The following TEX14 variants were observed in gnomAD, a reference collection of about 807,000 sequenced individuals.
The protein encoded by TEX14 is testis expressed 14, intercellular bridge forming factor, also known as inactive serine/threonine-protein kinase TEX14.
In TEX14, 168 loss-of-function variants were observed where a neutral mutation model predicts 178.6. The observed-to-expected ratio is 0.94, with a 90% CI of 0.83 to 1.07. The LOEUF (loss-of-function observed/expected upper bound fraction) is 1.07. Among genes scored for constraint, TEX14 ranks in the 50% least tolerant of loss-of-function variants. The pLI, the probability that TEX14 is intolerant of heterozygous loss-of-function variation, is 0.00. For missense variants in TEX14, 1,730 were observed against 1,753.6 expected, an observed-to-expected ratio of 0.99 and a Z score of 0.24; for synonymous variants, 626 against 634.1, an observed-to-expected ratio of 0.99 and a Z score of 0.19.
chr17:58,592,483 C>T (rs1376208346), intron 15 of TEX14, among the ~76,000 whole-genome samples: 3 of 151,966 alleles, frequency 2.0e-5, no homozygotes, highest in African/African-American at 2.4e-5. Context: ...TATAGGCGCC[C>T]GCCACCACGC....
At chr17:58,678,606 T>C (rs1336113085) in intron 1 of TEX14, among the ~76,000 whole-genome samples, 31 of 151,828 alleles carry the variant, frequency 2.0e-4, no homozygotes, top group Non-Finnish European at 2.9e-5. Context: ...TTCTCACTCA[T>C]AGGTGGGAAT....
At chr17:58,651,727 C>G (rs2046843453) in intron 2 of TEX14, 139 bp downstream of exon 2, 1 of 822,776 alleles carries the variant, frequency 1.2e-6, no homozygotes, top group African/African-American at 1.7e-5. Flanking sequence ...GACTGCACTG[C>G]TAGAGAACAT....
intron 1 of TEX14, chr17:58,659,466 CT>C: frequency 3.4e-6 from 1 of 296,536 alleles, no homozygotes; most frequent in Non-Finnish European, 5.0e-6. Context: ...TAGAAAATTT[CT>C]CCCGCGAAGA....
At chr17:58,654,003 C>T (rs956801412) in intron 1 of TEX14, among the ~76,000 whole-genome samples, 4 of 151,990 alleles carry the variant, frequency 2.6e-5, no homozygotes. Context: ...ATAGTGAAAC[C>T]CCATCTTTAC....
At chr17:58,688,758 T>A (rs1049519209) in intron 1 of TEX14, among the ~76,000 whole-genome samples, 1 of 152,106 alleles carries the variant, frequency 6.6e-6, no homozygotes, top group African/African-American at 2.4e-5. Context: ...GTCTCTCAAA[T>A]TTTTTCATGA....
At position 58,686,996 on chromosome 17, in the gene TEX14, C is replaced by T. The variant is rs180672890; in HGVS notation, c.-2+4943G>A. On this transcript the variant is annotated intron_variant, in intron 1 of 31. Transcript: ENST00000349033. ...TCAGGAGATTCTCCTGCCTCAGTCT[C>T]CCGAGTAGCTGGGATTACAGATGCC... Among the ~76,000 whole-genome samples, 1,109 of 151,502 alleles carry T rather than the reference C, an allele frequency of 7.3e-3. 6 individuals are homozygous for T. The highest frequency in any genetic ancestry group is 0.011 in the Admixed American group (171 of 15,096).
At chr17:58,589,487 G>A (rs1312042137) in intron 15 of TEX14, among the ~76,000 whole-genome samples, 4 of 149,176 alleles carry the variant, frequency 2.7e-5, no homozygotes, top group Admixed American at 1.4e-4. Flanking sequence ...TCTTGAACCC[G>A]GGAGGCAGAG....
rs1014900979 is a variant in TEX14 at position 58,592,782 on chromosome 17, G to A, written c.2576+773C>T. Among the ~76,000 whole-genome samples, 18 of 151,986 alleles carry A rather than the reference G, an allele frequency of 1.2e-4. 1 individual carries two copies. Among genetic ancestry groups the A allele is most frequent in the South Asian group, 4.1e-4 (2 of 4,826 alleles). The stretch of plus-strand genomic sequence containing the variant: ...TCGAACTCCTGACCTCAAGTGATCC[G>A]CCCACCTTGGCCTCCCAAAGTGCTA... On this transcript the variant is annotated intron_variant, in intron 15 of 31. Coordinates refer to ENST00000349033, the MANE Select transcript of TEX14 (RefSeq NM_031272.5).
rs561963166 is a variant in TEX14 at position 58,593,571 on chromosome 17, T to C, written c.2560A>G (p.Ile854Val). ...GAKDSLETSR[I>V]QNTSSQGRPR... ...TTGACCCACCTACTGGTATTTTGGA[T>C]CCTGCTTGTTTCCAAACTGTCCTTG... Residue 854 changes from isoleucine to valine, a missense_variant, in exon 15 of 32, where the codon ATC becomes GTC. Around this residue, in one of 2 missense-constraint regions of TEX14, gnomAD observed 941 missense variants for 1,072.4 expected, o/e 0.88. Transcript: ENST00000349033. 1 of 1,613,900 alleles carries C rather than the reference T, an allele frequency of 6.2e-7. No individual in the cohort carries two copies. The highest frequency in any genetic ancestry group is 1.3e-5 in the African/African-American group (1 of 75,046).
chr17:58,603,137 C>T (rs578120802), intron 11 of TEX14, among the ~76,000 whole-genome samples: 3 of 152,090 alleles, frequency 2.0e-5, no homozygotes, highest in Admixed American at 6.6e-5. Flanking sequence ...GAGAGATCAC[C>T]GCCACAGAGA....
intron 2 of TEX14, among the ~76,000 whole-genome samples, chr17:58,637,459 A>C (rs931448449): frequency 1.3e-5 from 2 of 152,016 alleles, no homozygotes; most frequent in Non-Finnish European, 1.5e-5. Flanking sequence ...CTGCTCCCCA[A>C]CCTCCGGGGA....
intron 2 of TEX14, among the ~76,000 whole-genome samples, chr17:58,635,396 T>C (rs1203778676): frequency 6.6e-6 from 1 of 150,702 alleles, no homozygotes; most frequent in Admixed American, 6.6e-5. Flanking sequence ...AGGCAAAAAA[T>C]TAAATCAACC....
At chr17:58,662,136 T>C (rs1438973029) in intron 1 of TEX14, among the ~76,000 whole-genome samples, 2 of 143,764 alleles carry the variant, frequency 1.4e-5, no homozygotes, top group Admixed American at 1.4e-4. Flanking sequence ...CCACCACGCC[T>C]GGCCTAAAAC....
At chr17:58,682,638 T>C (rs1374013109) in intron 1 of TEX14, among the ~76,000 whole-genome samples, 1 of 150,998 alleles carries the variant, frequency 6.6e-6, no homozygotes, top group Non-Finnish European at 1.5e-5. Context: ...CTTCCCAAAG[T>C]GCTGGGATTA....
intron 2 of TEX14, chr17:58,631,781 T>G (rs887107008): frequency 6.6e-6 from 1 of 152,144 alleles, no homozygotes; most frequent in Non-Finnish European, 1.5e-5. Flanking sequence ...TTCTACACGT[T>G]CAGATATACT....
chr17:58,559,379 A>G (rs1163657489), intron 30 of TEX14, 74 bp downstream of exon 30: 1 of 679,376 alleles, frequency 1.5e-6, no homozygotes, highest in Non-Finnish European at 2.6e-6. Context: ...TCTGGGAAAC[A>G]TTTCTAAATA....
chr17:58,599,151 G>A lies in TEX14; in HGVS notation c.2194C>T (p.Leu732=), dbSNP rs1281335155. 6.2e-7 allele frequency: 1 copy of A among 1,614,044 alleles called. No individual in the cohort carries two copies. Among genetic ancestry groups the A allele is most frequent in the Non-Finnish European group, 8.5e-7 (1 of 1,180,026 alleles). The part of the protein sequence containing the change: ...TEEYLISKCV[L]DLKIMQTIMH... ...ATTGTCTGCATAATCTTTAGATCCA[G>A]CACACACTTACTGATGAGATACTCC... The change falls in exon 14 of 32, where the codon CTG becomes TTG. Residue 732 remains leucine, a synonymous_variant. Transcript: ENST00000349033.
chr17:58,662,745 T>C (rs538981016), intron 1 of TEX14, among the ~76,000 whole-genome samples: 2 of 152,288 alleles, frequency 1.3e-5, no homozygotes, highest in African/African-American at 4.8e-5. Context: ...CTCAGAAATA[T>C]GAGAGTGACA....
intron 2 of TEX14, among the ~76,000 whole-genome samples, chr17:58,639,097 C>T (rs560811875): frequency 6.6e-6 from 1 of 151,504 alleles, no homozygotes; most frequent in African/African-American, 2.4e-5. Flanking sequence ...GATCTCCTGA[C>T]CTCGTGATCC....
Sources: allele counts gnomAD v4.1 joint callset (sites outside exome capture counted in the v4.1 genomes callset), GRCh38; gene constraint gnomAD v4.1.1; regional missense constraint gnomAD v4.1.1; transcripts MANE v1.5; gene names NCBI Gene and HGNC (gene_info 2026-07-23, HGNC 2026-07-21).